The following TRAF5 variants were observed in gnomAD, a reference collection of about 807,000 sequenced individuals.
The protein encoded by TRAF5 is TNF receptor-associated factor 5.
A neutral mutation model predicts 64.5 loss-of-function variants in TRAF5; 48 were observed. The observed-to-expected ratio is 0.74, with a 90% CI of 0.59 to 0.95. The LOEUF (loss-of-function observed/expected upper bound fraction) is 0.95, where lower values mean the gene tolerates loss of function less well. Among genes scored for constraint, TRAF5 ranks in the 40% least tolerant of loss-of-function variants. The pLI, the probability that TRAF5 is intolerant of heterozygous loss-of-function variation, is 0.00. For synonymous variants in TRAF5, 206 were observed against 240.5 expected (o/e 0.86, Z 1.33); for missense variants, 545 against 662.8 (o/e 0.82, Z 1.95).
At chr1:211,326,704 G>T (rs917423453), upstream of TRAF5, 2 of 986,024 alleles carry the variant, frequency 2.0e-6, no homozygotes, top group African/African-American at 3.5e-5. The surrounding 1 kb of genome is among the most constrained non-coding windows in gnomAD (Gnocchi z 5.0). Flanking sequence ...CCTGGATGAC[G>T]GTCTCAGCCT....
rs1323442410 is a variant in TRAF5, at chr1:211,374,902, C to T, written c.*2200C>T. ...CATCGAAATAGTGATTAAGTGATCCCAGAACAAGGAATACTAGAGTAAAAA... is the reference window on the plus strand; with the variant it reads ...CATCGAAATAGTGATTAAGTGATCCTAGAACAAGGAATACTAGAGTAAAAA... On this transcript the variant is annotated 3_prime_UTR_variant, in exon 11 of 11. Transcript: ENST00000261464. The T allele has an allele frequency of 6.6e-6, 1 of 152,098 alleles. No individual in the cohort carries two copies. The highest frequency in any genetic ancestry group is 1.5e-5 in the Non-Finnish European group (1 of 68,034). The allele number at this position is 152,098 out of a possible 1,614,324, so 9.4% of individuals were successfully genotyped here.
chr1:211,356,213 C>T (rs930730153), intron 3 of TRAF5, among the ~76,000 whole-genome samples, 154 bp from the exon 4 acceptor site: 6 of 152,198 alleles, frequency 3.9e-5, no homozygotes, highest in African/African-American at 1.2e-4. Context: ...CCTTTTCTTT[C>T]AGTGTGGTGT....
rs1473125818 is a variant in TRAF5, at chr1:211,372,818, C to T, written c.*116C>T. On this transcript the variant is annotated 3_prime_UTR_variant, in exon 11 of 11. Transcript: ENST00000261464. ...AAAGCACATTTGTATTTGCCTTTTTCCTTAACGTTTGAAGTCAGTTTAAAA... is the reference window on the plus strand; with the variant it reads ...AAAGCACATTTGTATTTGCCTTTTTTCTTAACGTTTGAAGTCAGTTTAAAA... The T allele has an allele frequency of 1.0e-5, 10 of 970,368 alleles. No homozygotes were observed. Among genetic ancestry groups the T allele is most frequent in the Non-Finnish European group, 6.1e-6 (4 of 654,456 alleles). The allele number at this position is 970,368 out of a possible 1,614,324, so 60.1% of individuals were successfully genotyped here.
intron 1 of TRAF5, among the ~76,000 whole-genome samples, chr1:211,351,171 C>T (rs1436876408): frequency 1.3e-5 from 2 of 151,828 alleles, no homozygotes; most frequent in African/African-American, 4.8e-5. Context: ...GGACTACAGG[C>T]ACCTGCCACC....
chr1:211,349,761 G>A (rs571770619), intron 1 of TRAF5, among the ~76,000 whole-genome samples: 3 of 152,292 alleles, frequency 2.0e-5, no homozygotes, highest in Admixed American at 6.5e-5. Context: ...ACTGAGTTTT[G>A]TACATCCTAC....
At position 211,373,996 on chromosome 1, in the gene TRAF5, G is replaced by C. The variant is rs552301503; in HGVS notation, c.*1294G>C. ...GATCTGCCCGCCTCGGCCTCCCAAA[G>C]TGCTGAGATTACAGGCATGACCCAC... On this transcript the variant is annotated 3_prime_UTR_variant, in exon 11 of 11. Coordinates refer to ENST00000261464, the MANE Select transcript of TRAF5 (RefSeq NM_001033910.3). 1 of 152,336 alleles carries C rather than the reference G, an allele frequency of 6.6e-6. No individual in the cohort carries two copies. The highest frequency in any genetic ancestry group is 2.1e-4 in the South Asian group (1 of 4,834). 9.4% of individuals were successfully genotyped at this position (152,336 alleles called of 1,614,324 possible).
In TRAF5 at chr1:211,374,080, A is replaced by G. The variant is rs1233552019; in HGVS notation, c.*1378A>G. On this transcript the variant is annotated 3_prime_UTR_variant, in exon 11 of 11. Transcript: ENST00000261464. ...AGCTGCTATGCAAATGGGCATTTAT[A>G]TAAACTTGTGATGTTTCTTGTCAGA... 2 of 152,192 alleles carry G rather than the reference A, an allele frequency of 1.3e-5. No individual in the cohort carries two copies. The highest frequency in any genetic ancestry group is 2.9e-5 in the Non-Finnish European group (2 of 68,040). 9.4% of individuals were successfully genotyped at this position (152,192 alleles called of 1,614,324 possible).
chr1:211,355,508 G>C (rs1657955934), intron 3 of TRAF5, among the ~76,000 whole-genome samples: 1 of 152,038 alleles, frequency 6.6e-6, no homozygotes, highest in Admixed American at 6.6e-5. Context: ...CTTTCCTTGA[G>C]CCTCTAGTCT....
Position 211,371,493 on chromosome 1 carries a change from C to T in TRAF5, c.1099+23C>T, listed in dbSNP as rs118067138. 5.0e-4 allele frequency: 806 copies of T among 1,596,444 alleles called. 20 individuals are homozygous for T. The East Asian group carries it at 0.018, about 35-fold the overall frequency. On this transcript the variant is annotated intron_variant, in intron 10 of 10. Coordinates refer to ENST00000261464, the MANE Select transcript of TRAF5 (RefSeq NM_001033910.3). The stretch of plus-strand genomic sequence containing the variant: ...TAGGTATGTCTGATATTTTATTTCT[C>T]TTTTGGTGACTCATTTGTCTGCATG...
rs190349032 is a variant in TRAF5 at position 211,374,050 on chromosome 1, T to A, written c.*1348T>A. 27 of 152,296 alleles carry A rather than the reference T, an allele frequency of 1.8e-4. No individual in the cohort carries two copies. Among genetic ancestry groups the A allele is most frequent in the African/African-American group, 6.5e-4 (27 of 41,562 alleles). 9.4% of individuals were successfully genotyped at this position (152,296 alleles called of 1,614,324 possible). A position where few individuals can be genotyped will look rare whatever the true frequency, so the allele number is the denominator to read the frequency against. ...GTCAAGCCTCTGACAACTATTGAAT[T>A]TGTAAGCTGCTATGCAAATGGGCAT... On this transcript the variant is annotated 3_prime_UTR_variant, in exon 11 of 11. Coordinates refer to ENST00000261464, the MANE Select transcript of TRAF5 (RefSeq NM_001033910.3).
chr1:211,353,451 C>T lies in TRAF5; in HGVS notation c.212C>T (p.Ser71Phe), dbSNP rs1702860315. 6.2e-7 allele frequency: 1 copy of T among 1,612,434 alleles called. No homozygotes were observed. The highest frequency in any genetic ancestry group is 1.7e-5 in the Admixed American group (1 of 59,920). ...GHRFCQHCIL[S>F]LRELNTVPIC... is the part of the protein sequence containing the mutation. Reference sequence around the variant, plus strand: ...CGCTTCTGCCAGCACTGCATCCTGTCCCTGAGGTGAGTGGGCAGGGCCTGC... The same window carrying T: ...CGCTTCTGCCAGCACTGCATCCTGTTCCTGAGGTGAGTGGGCAGGGCCTGC... The change falls in exon 2 of 11, where the codon TCC becomes TTC. Residue 71 changes from serine to phenylalanine, a missense_variant. By Grantham distance (155) the Ser-to-Phe change is radical. Coordinates refer to ENST00000261464, the MANE Select transcript of TRAF5 (RefSeq NM_001033910.3).
intron 9 of TRAF5, among the ~76,000 whole-genome samples, chr1:211,370,386 C>G (rs1281286911): frequency 6.6e-6 from 1 of 150,756 alleles, no homozygotes; most frequent in African/African-American, 2.4e-5. Flanking sequence ...TAAACACACA[C>G]ACACACACAC....
Position 211,354,425 on chromosome 1 carries a change from G to A in TRAF5, c.234G>A (p.Val78=). The A allele has an allele frequency of 6.2e-7, 1 of 1,614,144 alleles. No homozygotes were observed. Residue 78 remains valine (V), a synonymous_variant, in exon 3 of 11, where the codon GTG becomes GTA. Transcript: ENST00000261464. ...CILSLRELNT[V]PICPVDKEVI... is the part of the protein sequence containing the mutation. ...TTTTCTCCAGAGAATTAAACACAGT[G>A]CCAATCTGCCCTGTAGATAAAGAGG...
chr1:211,356,314 C>T (rs1702963618), intron 3 of TRAF5, 53 bp from the exon 4 acceptor site: 2 of 1,484,122 alleles, frequency 1.3e-6, no homozygotes, highest in Non-Finnish European at 1.9e-6. Flanking sequence ...TAGCTTAATT[C>T]ACATTGCTGT....
At chr1:211,365,563 G>C in intron 8 of TRAF5, 95 bp downstream of exon 8, 1 of 988,710 alleles carries the variant, frequency 1.0e-6, no homozygotes, top group South Asian at 1.6e-5. Context: ...CCCTGTTTCA[G>C]TATAAGTCAA....
At position 211,361,174 on chromosome 1, in the gene TRAF5, CTTTT is replaced by C. The variant is rs763548566; in HGVS notation, c.696+14_696+17del. The stretch of plus-strand genomic sequence containing the variant: ...GCTGTGCTGTAACGGTATGGAATGA[CTTTT>C]TGTTTCTGCCTATACATTCTACTGT... On this transcript the variant is annotated intron_variant, in intron 7 of 10. Transcript: ENST00000261464. 3.1e-6 allele frequency: 5 copies of C among 1,612,938 alleles called. No homozygotes were observed. Among genetic ancestry groups the C allele is most frequent in the Non-Finnish European group, 4.2e-6 (5 of 1,179,124 alleles).
At chr1:211,369,278 T>C in intron 8 of TRAF5, 174 bp from the exon 9 acceptor site, 1 of 570,184 alleles carries the variant, frequency 1.8e-6, no homozygotes, top group Non-Finnish European at 2.7e-6. Context: ...TGGAACCACC[T>C]GTGAATATCT....
chr1:211,327,347 C>T (rs983136582), intron 1 of TRAF5, among the ~76,000 whole-genome samples: 7 of 152,220 alleles, frequency 4.6e-5, no homozygotes, highest in African/African-American at 9.6e-5. Context: ...CCCTCTCCAC[C>T]TTTGCAGGGC....
intron 4 of TRAF5, 96 bp from the exon 5 acceptor site, chr1:211,359,816 C>T (rs527270444): frequency 1.2e-5 from 18 of 1,481,748 alleles, no homozygotes; most frequent in South Asian, 9.7e-5. Context: ...GCCCAGCTGC[C>T]CACCCTGTTC....
Sources: gnomAD v4.1 joint callset for allele counts (sites outside exome capture counted in the v4.1 genomes callset) on GRCh38, gnomAD v4.1.1 for gene constraint, Gnocchi (gnomAD v3.1) non-coding constraint, MANE v1.5 for transcripts, NCBI Gene and HGNC (gene_info 2026-07-23, HGNC 2026-07-21) for gene names.